The following FGGY variants were observed in gnomAD, a reference collection of about 807,000 sequenced individuals.
The protein encoded by FGGY is FGGY carbohydrate kinase domain-containing protein.
Under a neutral mutation model 71.3 loss-of-function variants are expected in FGGY, and 72 were observed. The observed-to-expected ratio is 1.01, with a 90% CI of 0.84 to 1.23. The LOEUF (loss-of-function observed/expected upper bound fraction) is 1.23. Among genes scored for constraint, FGGY ranks in the 50% most tolerant of loss-of-function variants. The probability of loss-of-function intolerance (pLI) is 0.00; values close to 1 mark genes in which losing one functional copy is unlikely to be tolerated. For synonymous variants in FGGY, 251 were observed against 250.3 expected (o/e 1.00, Z -0.02); for missense variants, 668 against 682.3 (o/e 0.98, Z 0.23).
intron 6 of FGGY, among the ~76,000 whole-genome samples, chr1:59,496,495 AG>A (rs2094035760): frequency 6.6e-6 from 1 of 152,154 alleles, no homozygotes; most frequent in Non-Finnish European, 1.5e-5. Context: ...ATGAACACAA[AG>A]GAGAGAACAG....
At chr1:59,489,415 C>T (rs2093756986) in intron 6 of FGGY, among the ~76,000 whole-genome samples, 1 of 152,078 alleles carries the variant, frequency 6.6e-6, no homozygotes, top group African/African-American at 2.4e-5. Context: ...CTACTTTTTA[C>T]TTCTATGAGA....
chr1:59,617,660 A>G (rs2096769828), intron 9 of FGGY, among the ~76,000 whole-genome samples: 1 of 152,070 alleles, frequency 6.6e-6, no homozygotes, highest in African/African-American at 2.4e-5. Flanking sequence ...ACATCCAGAT[A>G]CTGAAGCTTA....
intron 8 of FGGY, among the ~76,000 whole-genome samples, chr1:59,565,043 A>T (rs1018623168): frequency 6.6e-6 from 1 of 152,268 alleles, no homozygotes; most frequent in South Asian, 2.1e-4. Context: ...TCCCAAGGGT[A>T]CAAGGGAATG....
chr1:59,510,816 C>T (rs780814606), intron 6 of FGGY, among the ~76,000 whole-genome samples: 15 of 152,276 alleles, frequency 9.9e-5, no homozygotes, highest in African/African-American at 2.9e-4. Context: ...TCAATTCAGA[C>T]GCTAGATTTT....
chr1:59,734,196 A>G (rs2098078109), intron 14 of FGGY, among the ~76,000 whole-genome samples: 1 of 152,008 alleles, frequency 6.6e-6, no homozygotes, highest in Non-Finnish European at 1.5e-5. Context: ...CAGGTGTTGT[A>G]TGGTTACATG....
chr1:59,592,627 C>T (rs1000662632), intron 8 of FGGY, among the ~76,000 whole-genome samples: 1 of 152,040 alleles, frequency 6.6e-6, no homozygotes, highest in Non-Finnish European at 1.5e-5. Flanking sequence ...GAGTTCATGT[C>T]CTTTGTGGGG....
intron 5 of FGGY, among the ~76,000 whole-genome samples, chr1:59,455,338 A>G (rs1157410321): frequency 3.9e-5 from 6 of 152,230 alleles, no homozygotes; most frequent in Admixed American, 3.9e-4. Flanking sequence ...AGTTAGATGC[A>G]TAATGGGGAT....
chr1:59,562,656 A>AT (rs1372978047), intron 8 of FGGY, among the ~76,000 whole-genome samples: 19 of 152,240 alleles, frequency 1.2e-4, no homozygotes, highest in Admixed American at 1.0e-3. Flanking sequence ...ACTTTCTTGA[A>AT]TAAAAAATAG....
At chr1:59,426,635 C>T (rs545870944) in intron 5 of FGGY, among the ~76,000 whole-genome samples, 68 of 152,310 alleles carry the variant, frequency 4.5e-4, no homozygotes, top group Non-Finnish European at 5.4e-4. Context: ...GCCTCCCCTA[C>T]GTTAATATAT....
chr1:59,537,953 TA>T (rs1440967817), intron 7 of FGGY, among the ~76,000 whole-genome samples: 1 of 152,146 alleles, frequency 6.6e-6, no homozygotes, highest in Non-Finnish European at 1.5e-5. Context: ...ACTTCATGTC[TA>T]AAACACCAAA....
intron 3 of FGGY, among the ~76,000 whole-genome samples, chr1:59,344,097 G>C (rs2051273162): frequency 6.6e-6 from 1 of 152,148 alleles, no homozygotes; most frequent in South Asian, 2.1e-4. Flanking sequence ...GAGCACTTCT[G>C]TTAGATAGAG....
At chr1:59,410,339 G>A (rs2063422425) in intron 5 of FGGY, among the ~76,000 whole-genome samples, 1 of 152,150 alleles carries the variant, frequency 6.6e-6, no homozygotes, top group Non-Finnish European at 1.5e-5. Flanking sequence ...TTAACCTTAT[G>A]ACAACTCTGT....
At chr1:59,501,026 A>T (rs2094208247) in intron 6 of FGGY, among the ~76,000 whole-genome samples, 2 of 152,234 alleles carry the variant, frequency 1.3e-5, no homozygotes, top group African/African-American at 4.8e-5. Context: ...TTGGCATTGT[A>T]TAGTTAACAC....
chr1:59,457,719 C>T (rs1467881684), intron 6 of FGGY, among the ~76,000 whole-genome samples: 1 of 152,034 alleles, frequency 6.6e-6, no homozygotes, highest in Non-Finnish European at 1.5e-5. Context: ...CCAGTCAGTA[C>T]TACGAAAATA....
At chr1:59,671,815 A>C (rs996067228) in intron 13 of FGGY, among the ~76,000 whole-genome samples, 3 of 152,198 alleles carry the variant, frequency 2.0e-5, no homozygotes, top group African/African-American at 7.2e-5. Context: ...TATCTTGCCT[A>C]GGATCACACA....
At chr1:59,511,179 G>C (rs1013574488) in intron 6 of FGGY, among the ~76,000 whole-genome samples, 1 of 152,082 alleles carries the variant, frequency 6.6e-6, no homozygotes. Context: ...TGTCGTCAAA[G>C]TGCTTTGGTT....
chr1:59,719,399 T>C (rs2097868809), intron 14 of FGGY, among the ~76,000 whole-genome samples: 1 of 152,164 alleles, frequency 6.6e-6, no homozygotes, highest in Admixed American at 6.6e-5. Flanking sequence ...ACTTAACCTT[T>C]CTCAACCTCG....
chr1:59,396,693 A>G (rs955120483), intron 5 of FGGY, among the ~76,000 whole-genome samples: 1 of 152,162 alleles, frequency 6.6e-6, no homozygotes, highest in Non-Finnish European at 1.5e-5. Context: ...CAGTCTCTCT[A>G]TCTATGTGAT....
intron 6 of FGGY, among the ~76,000 whole-genome samples, chr1:59,481,504 G>A (rs1157437287): frequency 6.6e-6 from 1 of 152,098 alleles, no homozygotes; most frequent in African/African-American, 2.4e-5. Flanking sequence ...TCAGAATTAT[G>A]ACATGTGGGA....
Sources: gnomAD v4.1 joint callset for allele counts (sites outside exome capture counted in the v4.1 genomes callset) on GRCh38, gnomAD v4.1.1 for gene constraint, MANE v1.5 for transcripts, NCBI Gene and HGNC (gene_info 2026-07-23, HGNC 2026-07-21) for gene names.